The following GLS variants were observed in gnomAD, a reference collection of about 807,000 sequenced individuals.
The protein encoded by GLS is glutaminase kidney isoform, mitochondrial.
Under a neutral mutation model 86.7 loss-of-function variants are expected in GLS, and 36 were observed. The observed-to-expected ratio is 0.42, with a 90% CI of 0.32 to 0.55. The LOEUF (loss-of-function observed/expected upper bound fraction) is 0.55, where lower values mean the gene tolerates loss of function less well. Among genes scored for constraint, GLS ranks in the 20% least tolerant of loss-of-function variants. The probability of loss-of-function intolerance (pLI) is 0.17; values close to 1 mark genes in which losing one functional copy is unlikely to be tolerated. For missense variants in GLS, 528 were observed against 833.4 expected (o/e 0.63, Z 4.51); for synonymous variants, 317 against 305.9 (o/e 1.04, Z -0.38).
chr2:190,957,462 C>G (rs1690888435), intron 17 of GLS, among the ~76,000 whole-genome samples: 2 of 152,206 alleles, frequency 1.3e-5, no homozygotes, highest in African/African-American at 4.8e-5. Context: ...GGAGTGGTCA[C>G]AGAGGGCATC....
At chr2:190,932,801 C>A in intron 14 of GLS, 1 of 1,605,726 alleles carries the variant, frequency 6.2e-7, no homozygotes, top group South Asian at 1.1e-5. Context: ...TCACCTGAGT[C>A]AAATGAGGAC....
intron 17 of GLS, among the ~76,000 whole-genome samples, chr2:190,958,995 A>T (rs566159871): frequency 5.3e-5 from 8 of 152,250 alleles, no homozygotes; most frequent in East Asian, 3.9e-4. Context: ...TGTCTCGTTG[A>T]TCTGTCTAAT....
At position 190,954,448 on chromosome 2, in the gene GLS, G is replaced by A; in HGVS notation, c.1713-136G>A. The A allele has an allele frequency of 1.6e-6, 1 of 633,392 alleles. No homozygotes were observed. Among genetic ancestry groups the A allele is most frequent in the South Asian group, 2.0e-5 (1 of 49,848 alleles). The allele number at this position is 633,392 out of a possible 1,614,324, so 39.2% of individuals were successfully genotyped here. On this transcript the variant is annotated intron_variant, in intron 15 of 17. Coordinates refer to ENST00000320717, the MANE Select transcript of GLS (RefSeq NM_014905.5). The surrounding 1 kb of genome is among the most constrained non-coding windows in gnomAD (Gnocchi z 4.0). ...AAACACCTGTGTACTGGTTAATAAG[G>A]TCGGTAGTTCCCATTAATGAGCTTG...
Position 190,920,175 on chromosome 2 carries a change from C to T in GLS, c.1039-849C>T, listed in dbSNP as rs966471752. On this transcript the variant is annotated intron_variant, in intron 7 of 17. Coordinates refer to ENST00000320717, the MANE Select transcript of GLS (RefSeq NM_014905.5). This position sits in a 1 kb window ranked among gnomAD's most constrained non-coding sequence, Gnocchi z 4.2. ...TTTAGAAATTAGAGATGTATTGTTTCTTTTGGGTGCATATCACCAATTAAT... is the reference window on the plus strand; with the variant it reads ...TTTAGAAATTAGAGATGTATTGTTTTTTTTGGGTGCATATCACCAATTAAT... The T allele has an allele frequency of 1.3e-5, 2 of 151,818 alleles. No homozygotes were observed. Among genetic ancestry groups the T allele is most frequent in the Non-Finnish European group, 3.0e-5 (2 of 67,762 alleles). The allele number at this position is 151,818 out of a possible 1,614,324, so 9.4% of individuals were successfully genotyped here.
intron 9 of GLS, among the ~76,000 whole-genome samples, chr2:190,923,386 G>T (rs1689807781): frequency 6.6e-6 from 1 of 152,154 alleles, no homozygotes; most frequent in South Asian, 2.1e-4. Flanking sequence ...CTTCAGTGGA[G>T]CCCTGTCTAT....
In GLS at chr2:190,913,379, A is replaced by T; in HGVS notation, c.1038+3058A>T. ...AAGCTATATAGGTAAATACCTTTTT[A>T]AAAACAAATGTAATTTTATACTTAA... On this transcript the variant is annotated intron_variant, in intron 7 of 17. Transcript: ENST00000320717. This position sits in a 1 kb window ranked among gnomAD's most constrained non-coding sequence, Gnocchi z 6.1. The T allele has an allele frequency of 1.0e-6, 1 of 993,084 alleles. No individual in the cohort carries two copies. The highest frequency in any genetic ancestry group is 1.3e-6 in the Non-Finnish European group (1 of 784,022). The allele number at this position is 993,084 out of a possible 1,614,324, so 61.5% of individuals were successfully genotyped here. A position where few individuals can be genotyped will look rare whatever the true frequency, so the allele number is the denominator to read the frequency against.
intron 14 of GLS, among the ~76,000 whole-genome samples, chr2:190,948,529 T>A (rs1230756194): frequency 6.6e-6 from 1 of 152,212 alleles, no homozygotes; most frequent in Non-Finnish European, 1.5e-5. Context: ...AAATTCAAAA[T>A]TTTAAAGGGG....
rs1688792711 is a variant in GLS, at chr2:190,897,670, T to C, written c.605+1945T>C. Among the ~76,000 whole-genome samples the C allele has an allele frequency of 6.6e-6, 1 of 152,216 alleles. No homozygotes were observed. Among genetic ancestry groups the C allele is most frequent in the Non-Finnish European group, 1.5e-5 (1 of 68,038 alleles). On this transcript the variant is annotated intron_variant, in intron 3 of 17. Transcript: ENST00000320717. The surrounding 1 kb of genome is among the most constrained non-coding windows in gnomAD (Gnocchi z 4.3). ...AGGTGATTGCTTCAGAGATGTTCTT[T>C]TCTCTGTTTTCAAATATAAGAAGTT...
chr2:190,930,716 G>A lies in GLS; in HGVS notation c.1557+148G>A. The A allele has an allele frequency of 1.6e-6, 1 of 619,392 alleles. No individual in the cohort carries two copies. Among genetic ancestry groups the A allele is most frequent in the Non-Finnish European group, 2.7e-6 (1 of 371,678 alleles). 38.4% of individuals were successfully genotyped at this position (619,392 alleles called of 1,614,324 possible). A position where few individuals can be genotyped will look rare whatever the true frequency, so the allele number is the denominator to read the frequency against. On this transcript the variant is annotated intron_variant, in intron 13 of 17. Transcript: ENST00000320717. This position sits in a 1 kb window ranked among gnomAD's most constrained non-coding sequence, Gnocchi z 5.0. ...CTAGGGAGCCGTGGAAATACTCCCA[G>A]AGGAGCTTCAAGTTGTCTCTGTCAG...
chr2:190,926,212 A>G (rs1159667892), intron 11 of GLS, among the ~76,000 whole-genome samples: 2 of 152,218 alleles, frequency 1.3e-5, no homozygotes, highest in Non-Finnish European at 2.9e-5. Flanking sequence ...AATTAATGTT[A>G]AGTATAAATT....
At chr2:190,892,118 A>G (rs1688583886) in intron 1 of GLS, among the ~76,000 whole-genome samples, 1 of 152,214 alleles carries the variant, frequency 6.6e-6, no homozygotes, top group East Asian at 1.9e-4. Flanking sequence ...AATGATGTCT[A>G]ACATGATGTC....
At chr2:190,925,448 G>A (rs895770750) in intron 11 of GLS, among the ~76,000 whole-genome samples, 1 of 152,092 alleles carries the variant, frequency 6.6e-6, no homozygotes, top group African/African-American at 2.4e-5. Flanking sequence ...AATGGGCTAT[G>A]GTATAGAACT....
At position 190,881,365 on chromosome 2, in the gene GLS, TGTCG is replaced by T; in HGVS notation, c.282_285del (p.Ser95HisfsTer36). The T allele has an allele frequency of 1.3e-6, 2 of 1,538,788 alleles. No homozygotes were observed. The highest frequency in any genetic ancestry group is 1.8e-6 in the Non-Finnish European group (2 of 1,142,420). Reference sequence around the variant, plus strand: ...GGGAGCACGCATCCGCAGCCCGGGGTGTCGCCACCCGCTGCCCCGGCGGCGCCCG... The same window carrying T: ...GGGAGCACGCATCCGCAGCCCGGGGTCCACCCGCTGCCCCGGCGGCGCCCG... On this transcript the variant is annotated frameshift_variant, in exon 1 of 18. Transcript: ENST00000320717. LOFTEE classifies it high-confidence loss of function.
rs962670081 is a variant in GLS at position 190,949,854 on chromosome 2, A to G, written c.1651-3711A>G. On this transcript the variant is annotated intron_variant, in intron 14 of 17. Transcript: ENST00000320717. This position sits in a 1 kb window ranked among gnomAD's most constrained non-coding sequence, Gnocchi z 4.0. ...ATAGACACTGAGTTTACGGTGGGGA[A>G]CAGAAAGACAAGTGGTCTCTGCCCA... Among the ~76,000 whole-genome samples the G allele has an allele frequency of 6.6e-6, 1 of 151,972 alleles. No homozygotes were observed. The highest frequency in any genetic ancestry group is 1.5e-5 in the Non-Finnish European group (1 of 67,998).
intron 1 of GLS, among the ~76,000 whole-genome samples, chr2:190,882,545 T>G (rs565323055): frequency 2.4e-4 from 36 of 152,334 alleles, no homozygotes; most frequent in Admixed American, 2.1e-3. Context: ...TGCTGCTATT[T>G]CCAGCTCTAG....
chr2:190,926,958 TGAG>T, intron 11 of GLS: 1 of 164,120 alleles, frequency 6.1e-6, no homozygotes. Flanking sequence ...TTTTTTCTGT[TGAG>T]TTAAAAGTAA....
At chr2:190,907,172 C>A (rs2124858528) in intron 6 of GLS, among the ~76,000 whole-genome samples, 1 of 152,066 alleles carries the variant, frequency 6.6e-6, no homozygotes, top group Non-Finnish European at 1.5e-5. Context: ...GATCTGCCCG[C>A]CTCGGCCTCC....
chr2:190,933,754 C>G, intron 14 of GLS: 1 of 721,098 alleles, frequency 1.4e-6, no homozygotes, highest in East Asian at 1.3e-4. Context: ...TTAGCTTTTA[C>G]ATTTTATTAT....
chr2:190,954,706 T>C lies in GLS; in HGVS notation c.1789+46T>C, dbSNP rs372332109. On this transcript the variant is annotated intron_variant, in intron 16 of 17. Transcript: ENST00000320717. The surrounding 1 kb of genome is among the most constrained non-coding windows in gnomAD (Gnocchi z 4.0). ...ATCTATTTTCTTTCCAGATTTAATT[T>C]CTACTTAGTACTAAAATCTGCTCTT... 5 of 1,608,846 alleles carry C rather than the reference T, an allele frequency of 3.1e-6. No homozygotes were observed. The highest frequency in any genetic ancestry group is 3.3e-5 in the Admixed American group (2 of 59,988).
Sources: allele counts gnomAD v4.1 joint callset (sites outside exome capture counted in the v4.1 genomes callset), GRCh38; gene constraint gnomAD v4.1.1; non-coding constraint Gnocchi (gnomAD v3.1); transcripts MANE v1.5; gene names NCBI Gene and HGNC (gene_info 2026-07-23, HGNC 2026-07-21).